The following SGIP1 variants were observed in gnomAD, a reference collection of about 807,000 sequenced individuals.
SGIP1 encodes SH3-containing GRB2-like protein 3-interacting protein 1.
A neutral mutation model predicts 107.5 loss-of-function variants in SGIP1; 38 were observed. The observed-to-expected ratio is 0.35, with a 90% CI of 0.27 to 0.46. SGIP1 has a LOEUF of 0.46. SGIP1 is among the 20% of genes least tolerant of loss of function. The probability of loss-of-function intolerance (pLI) is 1.00; values close to 1 mark genes in which losing one functional copy is unlikely to be tolerated. For synonymous variants in SGIP1, 365 were observed against 366.1 expected (o/e 1.00, Z 0.03); for missense variants, 929 against 1,019.5 (o/e 0.91, Z 1.21).
At chr1:66,571,739 C>T (rs141396836) in intron 1 of SGIP1, among the ~76,000 whole-genome samples, 1 of 151,966 alleles carries the variant, frequency 6.6e-6, no homozygotes, top group Non-Finnish European at 1.5e-5. Context: ...TGGCCCCAAA[C>T]TAGTTTTTGA....
intron 1 of SGIP1, among the ~76,000 whole-genome samples, chr1:66,591,929 G>GTC (rs1276053432): frequency 6.6e-6 from 1 of 152,188 alleles, no homozygotes; most frequent in African/African-American, 2.4e-5. Context: ...AAACATTTTA[G>GTC]TGCAGTAAAG....
intron 1 of SGIP1, among the ~76,000 whole-genome samples, chr1:66,564,569 C>G (rs1015750769): frequency 2.0e-5 from 3 of 151,974 alleles, no homozygotes; most frequent in Non-Finnish European, 4.4e-5. Flanking sequence ...TCTGTGTCAT[C>G]TGCCATTTCC....
intron 19 of SGIP1, among the ~76,000 whole-genome samples, chr1:66,719,865 T>C (rs2093435895): frequency 6.6e-6 from 1 of 151,882 alleles, no homozygotes; most frequent in African/African-American, 2.4e-5. Flanking sequence ...AAACACCTTC[T>C]CAAAACACAC....
At chr1:66,555,399 C>A (rs776184264) in intron 1 of SGIP1, among the ~76,000 whole-genome samples, 32 of 152,220 alleles carry the variant, frequency 2.1e-4, no homozygotes, top group Non-Finnish European at 4.1e-4. Flanking sequence ...CTGTTTTCTG[C>A]AACTCTGTTC....
chr1:66,589,214 A>ATGTGTGTGTG (rs1456083520), intron 1 of SGIP1, among the ~76,000 whole-genome samples: 1 of 91,370 alleles, frequency 1.1e-5, no homozygotes, highest in East Asian at 2.9e-4. Flanking sequence ...ATATATATAT[A>ATGTGTGTGTG]TATGTAAGGC....
chr1:66,630,801 CGGAAAGAAAGAAAGAAAGAA>C lies in SGIP1; in HGVS notation c.75-2268_75-2249del, dbSNP rs1431670439. Among the ~76,000 whole-genome samples, 380 of 57,974 alleles carry C rather than the reference CGGAAAGAAAGAAAGAAAGAA, an allele frequency of 6.6e-3. 40 individuals carry two copies. The highest frequency in any genetic ancestry group is 0.024 in the South Asian group (28 of 1,150). The allele number at this position is 57,974 out of a possible 152,430, so 38.0% of individuals were successfully genotyped here. On this transcript the variant is annotated intron_variant, in intron 2 of 24. Coordinates refer to ENST00000371037, the MANE Select transcript of SGIP1 (RefSeq NM_032291.4). ...AGCCTGGGTGACAAGAGCAAAACTC[CGGAAAGAAAGAAAGAAAGAA>C]AGAAAGAAAGAAAGAAAGAAAGAAA... is the stretch of plus-strand genomic sequence containing the variant.
chr1:66,694,747 G>A (rs558460949), intron 17 of SGIP1: 9 of 389,976 alleles, frequency 2.3e-5, no homozygotes, highest in Admixed American at 4.3e-5. Flanking sequence ...AAAAAGGTGA[G>A]ATGCTATTGC....
intron 1 of SGIP1, among the ~76,000 whole-genome samples, chr1:66,560,574 C>T (rs2058783987): frequency 6.6e-6 from 1 of 151,902 alleles, no homozygotes; most frequent in Admixed American, 6.6e-5. Context: ...CCTGGGAGAC[C>T]CAGTGAACTG....
At chr1:66,731,711 A>G (rs1285585927) in intron 20 of SGIP1, among the ~76,000 whole-genome samples, 1 of 152,128 alleles carries the variant, frequency 6.6e-6, no homozygotes, top group African/African-American at 2.4e-5. Flanking sequence ...TTAAAAAGGC[A>G]TTGTTGACCA....
At chr1:66,642,931 A>AT (rs1313281541) in intron 6 of SGIP1, 67 bp downstream of exon 6, 6 of 1,356,540 alleles carry the variant, frequency 4.4e-6, no homozygotes, top group Non-Finnish European at 5.1e-6. Context: ...ATAAATTCAG[A>AT]TTTTACAAAA....
intron 1 of SGIP1, among the ~76,000 whole-genome samples, chr1:66,568,902 G>T (rs2060015814): frequency 3.3e-5 from 5 of 151,818 alleles, no homozygotes; most frequent in Admixed American, 2.6e-4. Flanking sequence ...ATTTCTCTTG[G>T]GAACTAGCTG....
chr1:66,703,262 A>G (rs1326426098), intron 18 of SGIP1, among the ~76,000 whole-genome samples: 1 of 152,298 alleles, frequency 6.6e-6, no homozygotes, highest in Non-Finnish European at 1.5e-5. Context: ...GGCACTTCCT[A>G]TGCAAAGCAT....
rs199877289 is a variant in SGIP1 at position 66,673,383 on chromosome 1, C to T, written c.646+17C>T. 8.3e-6 allele frequency: 13 copies of T among 1,573,978 alleles called. No homozygotes were observed. The highest frequency in any genetic ancestry group is 9.4e-6 in the Non-Finnish European group (11 of 1,166,944). On this transcript the variant is annotated intron_variant, in intron 12 of 24. Transcript: ENST00000371037. The stretch of plus-strand genomic sequence containing the variant: ...AGACAGAAGGTAGGAAAAGAAACTC[C>T]ATATATTATAGATTTGTTTTTTCTT...
intron 22 of SGIP1, 124 bp from the exon 23 acceptor site, chr1:66,740,534 T>G: frequency 3.0e-6 from 2 of 671,984 alleles, no homozygotes; most frequent in African/African-American, 1.8e-5. Context: ...AGGGAATTTT[T>G]AAATTGTAGT....
At position 66,745,256 on chromosome 1, in the gene SGIP1, T is replaced by C. The variant is rs2094536998; in HGVS notation, c.*2161T>C. ...TAATCTCTAACATTATTCAAATCTTTCTAGGGATTAAATTAGAAACTATGA... is the reference window on the plus strand; with the variant it reads ...TAATCTCTAACATTATTCAAATCTTCCTAGGGATTAAATTAGAAACTATGA... On this transcript the variant is annotated 3_prime_UTR_variant, in exon 25 of 25. Coordinates refer to ENST00000371037, the MANE Select transcript of SGIP1 (RefSeq NM_032291.4). 2 of 152,020 alleles carry C rather than the reference T, an allele frequency of 1.3e-5. No individual in the cohort carries two copies. The highest frequency in any genetic ancestry group is 2.9e-5 in the Non-Finnish European group (2 of 67,898). The allele number at this position is 152,020 out of a possible 1,614,324, so 9.4% of individuals were successfully genotyped here.
chr1:66,580,627 T>C (rs908623338), intron 1 of SGIP1, among the ~76,000 whole-genome samples: 9 of 152,176 alleles, frequency 5.9e-5, no homozygotes, highest in African/African-American at 2.2e-4. Context: ...ATGTGATCAA[T>C]AAATTAATAA....
chr1:66,639,136 G>A (rs1558167037), intron 4 of SGIP1, among the ~76,000 whole-genome samples: 1 of 152,156 alleles, frequency 6.6e-6, no homozygotes, highest in Non-Finnish European at 1.5e-5. Context: ...GCTCATGGAG[G>A]CACAGATCAC....
At chr1:66,680,696 T>C (rs1334497024) in intron 14 of SGIP1, among the ~76,000 whole-genome samples, 1 of 152,238 alleles carries the variant, frequency 6.6e-6, no homozygotes, top group African/African-American at 2.4e-5. Flanking sequence ...ATATACCTAC[T>C]AGCACAAGAT....
chr1:66,675,726 G>T (rs191960889), intron 12 of SGIP1, among the ~76,000 whole-genome samples: 384 of 150,556 alleles, frequency 2.6e-3, no homozygotes, highest in Non-Finnish European at 4.3e-3. Flanking sequence ...GTAGAGACTG[G>T]GTTTCACCAT....
Sources: allele counts gnomAD v4.1 joint callset (sites outside exome capture counted in the v4.1 genomes callset), GRCh38; gene constraint gnomAD v4.1.1; transcripts MANE v1.5; gene names NCBI Gene and HGNC (gene_info 2026-07-23, HGNC 2026-07-21).